The following GALNT14 variants were observed in gnomAD, a reference collection of about 807,000 sequenced individuals.
The protein encoded by GALNT14 is UDP-GalNAc:polypeptide N-acetylgalactosaminyltransferase 14.
In GALNT14, 60 loss-of-function variants were observed where a neutral mutation model predicts 77.5. The observed-to-expected ratio is 0.77, with a 90% CI of 0.63 to 0.96. The LOEUF (loss-of-function observed/expected upper bound fraction) is 0.96, where lower values mean the gene tolerates loss of function less well. GALNT14 is among the 40% of genes least tolerant of loss of function. The probability of loss-of-function intolerance (pLI) is 0.00; values close to 1 mark genes in which losing one functional copy is unlikely to be tolerated. For missense variants in GALNT14, 710 were observed against 731.0 expected (o/e 0.97, Z 0.33); for synonymous variants, 280 against 281.7 (o/e 0.99, Z 0.06).
intron 1 of GALNT14, among the ~76,000 whole-genome samples, chr2:31,048,588 C>T (rs1187377157): frequency 1.5e-5 from 2 of 134,608 alleles, no homozygotes; most frequent in African/African-American, 5.6e-5. Context: ...GACTGCCTCC[C>T]CACCCCCACT....
chr2:31,054,441 T>C (rs1674087144), intron 1 of GALNT14, among the ~76,000 whole-genome samples: 1 of 152,208 alleles, frequency 6.6e-6, no homozygotes, highest in Admixed American at 6.5e-5. Flanking sequence ...ATTGTTACTA[T>C]GGCATTTGTC....
intron 1 of GALNT14, among the ~76,000 whole-genome samples, chr2:31,006,674 A>G (rs1670693394): frequency 6.6e-6 from 1 of 152,228 alleles, no homozygotes; most frequent in South Asian, 2.1e-4. Context: ...GAGGCATGGC[A>G]GGAAGCACAG....
intron 1 of GALNT14, among the ~76,000 whole-genome samples, chr2:31,000,895 G>A (rs6704629): frequency 0.073 from 11,055 of 152,124 alleles, 638 homozygotes; most frequent in East Asian, 0.27. Context: ...AGTGAGTGAG[G>A]GGTACCTAAA....
At chr2:31,051,348 G>C (rs538721434) in intron 1 of GALNT14, among the ~76,000 whole-genome samples, 8 of 152,314 alleles carry the variant, frequency 5.3e-5, no homozygotes, top group African/African-American at 1.9e-4. Flanking sequence ...TAGACTTTGA[G>C]CCAAGCAGAT....
chr2:30,972,140 A>G (rs1216551013), intron 2 of GALNT14, among the ~76,000 whole-genome samples: 2 of 152,202 alleles, frequency 1.3e-5, no homozygotes, highest in African/African-American at 4.8e-5. Flanking sequence ...GGAGAGGCAT[A>G]CCCACTAACT....
intron 1 of GALNT14, among the ~76,000 whole-genome samples, chr2:31,127,074 A>G (rs1043552652): frequency 1.6e-4 from 25 of 152,244 alleles, no homozygotes; most frequent in Non-Finnish European, 2.2e-4. Context: ...TAGAATGCAC[A>G]AAGAGAAAAG....
chr2:30,930,663 C>T (rs1156744789), intron 10 of GALNT14, among the ~76,000 whole-genome samples: 6 of 152,240 alleles, frequency 3.9e-5, no homozygotes, highest in Non-Finnish European at 7.3e-5. Flanking sequence ...GGTGCTCTTT[C>T]AGATGCTAGC....
intron 1 of GALNT14, among the ~76,000 whole-genome samples, chr2:31,066,271 C>T (rs1030780100): frequency 1.3e-5 from 2 of 152,142 alleles, no homozygotes; most frequent in Non-Finnish European, 2.9e-5. Context: ...TAAGGGAGAC[C>T]GATGAAGAAT....
At chr2:31,056,690 T>C (rs564862362) in intron 1 of GALNT14, among the ~76,000 whole-genome samples, 23 of 152,340 alleles carry the variant, frequency 1.5e-4, no homozygotes, top group African/African-American at 4.1e-4. Flanking sequence ...ACACAAATTA[T>C]ATTGAAATCG....
rs565267944 is a variant in GALNT14, at chr2:31,045,576, C to T, written c.130-52569G>A. 2.0e-4 allele frequency among the ~76,000 whole-genome samples: 31 copies of T among 152,302 alleles called. No individual in the cohort carries two copies. In the South Asian group the frequency reaches 6.0e-3, roughly 30 times the overall value. On this transcript the variant is annotated intron_variant, in intron 1 of 14. Transcript: ENST00000349752. ...CTCCCGGGTTCAAGCAATTCTCCTG[C>T]TTCAGCCTCCCAGGTAGCTAGGATT...
At chr2:30,963,164 TG>T (rs1667794792) in intron 3 of GALNT14, among the ~76,000 whole-genome samples, 1 of 152,164 alleles carries the variant, frequency 6.6e-6, no homozygotes, top group South Asian at 2.1e-4. Context: ...TGGCACGTCA[TG>T]GGTGTCTTCT....
intron 1 of GALNT14, among the ~76,000 whole-genome samples, chr2:31,073,769 GTGACTTGGAGTT>G (rs886465485): frequency 2.0e-5 from 3 of 152,196 alleles, no homozygotes; most frequent in Non-Finnish European, 4.4e-5. Context: ...CTGGAGGGTT[GTGACTTGGAGTT>G]TGACTTGGAT....
chr2:30,992,867 A>G lies in GALNT14; in HGVS notation c.270T>C (p.Asn90=), dbSNP rs200090399. ...GATGGCGAGTGTCCGGGATGGCCCG[A>G]TTGCTGGAGATCCGCTCACTCTCCC... ...NQRESERISS[N]RAIPDTRHLR... The change falls in exon 2 of 15, where the codon AAT becomes AAC. Residue 90 remains asparagine, a synonymous_variant. Transcript: ENST00000349752. 130 of 1,614,050 alleles carry G rather than the reference A, an allele frequency of 8.1e-5. No homozygotes were observed. Among genetic ancestry groups the G allele is most frequent in the Admixed American group, 1.5e-4 (9 of 60,016 alleles).
intron 3 of GALNT14, among the ~76,000 whole-genome samples, chr2:30,965,925 G>GC (rs1667976318): frequency 6.6e-6 from 1 of 152,158 alleles, no homozygotes; most frequent in South Asian, 2.1e-4. Flanking sequence ...GAGTGGGGAG[G>GC]CCGAGGGCTC....
intron 1 of GALNT14, among the ~76,000 whole-genome samples, chr2:31,095,997 G>A (rs1417307055): frequency 6.6e-6 from 1 of 152,156 alleles, no homozygotes; most frequent in East Asian, 1.9e-4. Context: ...TCTTAGGAGA[G>A]ATTCTGTTTC....
intron 2 of GALNT14, among the ~76,000 whole-genome samples, chr2:30,989,156 T>G (rs1669503027): frequency 6.6e-6 from 1 of 152,150 alleles, no homozygotes; most frequent in Non-Finnish European, 1.5e-5. Context: ...AGTCTGGATA[T>G]CAGCATTGAA....
intron 2 of GALNT14, among the ~76,000 whole-genome samples, chr2:30,985,702 T>A (rs1669257655): frequency 6.6e-6 from 1 of 152,144 alleles, no homozygotes; most frequent in Admixed American, 6.5e-5. Context: ...TGAAGGCACT[T>A]AGGCCCACTA....
At chr2:31,103,804 A>G (rs1396597016) in intron 1 of GALNT14, among the ~76,000 whole-genome samples, 1 of 152,094 alleles carries the variant, frequency 6.6e-6, no homozygotes, top group African/African-American at 2.4e-5. Context: ...TCTAATCCTC[A>G]TACTTGTCTT....
At chr2:30,974,836 C>T (rs1339646366) in intron 2 of GALNT14, among the ~76,000 whole-genome samples, 1 of 152,156 alleles carries the variant, frequency 6.6e-6, no homozygotes, top group Non-Finnish European at 1.5e-5. Context: ...CCTCAATACC[C>T]AGGATGATGA....
Sources: gnomAD v4.1 joint callset for allele counts (sites outside exome capture counted in the v4.1 genomes callset) on GRCh38, gnomAD v4.1.1 for gene constraint, MANE v1.5 for transcripts, NCBI Gene and HGNC (gene_info 2026-07-23, HGNC 2026-07-21) for gene names.